Variants in SEMA3E observed in about 807,000 individuals in gnomAD.
SEMA3E encodes the protein semaphorin 3E, also known as semaphorin-3E.
SEMA3E carries 49 observed loss-of-function variants against 93.6 expected under a neutral mutation model. The ratio of observed to expected loss-of-function variants is 0.52; its 90% CI spans 0.42 to 0.66. The LOEUF (loss-of-function observed/expected upper bound fraction) is 0.66, where lower values mean the gene tolerates loss of function less well. Among genes scored for constraint, SEMA3E ranks in the 30% least tolerant of loss-of-function variants. SEMA3E has a pLI of 0.00. For missense variants in SEMA3E, 906 were observed against 964.8 expected, an observed-to-expected ratio of 0.94 and a Z score of 0.81; for synonymous variants, 363 against 330.7, an observed-to-expected ratio of 1.10 and a Z score of -1.06.
intron 1 of SEMA3E, among the ~76,000 whole-genome samples, chr7:83,542,259 C>G (rs1791551255): frequency 1.3e-5 from 2 of 151,488 alleles, no homozygotes; most frequent in African/African-American, 4.9e-5. Context: ...ACTGATGAGA[C>G]TGAGGTGGGA....
chr7:83,580,315 A>G (rs1792493697), intron 1 of SEMA3E, among the ~76,000 whole-genome samples: 1 of 151,986 alleles, frequency 6.6e-6, no homozygotes, highest in Non-Finnish European at 1.5e-5. Context: ...AAACTAAGTA[A>G]TATAGTCAAA....
chr7:83,365,668 A>G lies in SEMA3E; in HGVS notation c.*1918T>C, dbSNP rs1794655665. Reference sequence around the variant, plus strand: ...TTAACTACTTGTCTGTGTTATTGCAATTAAAATGATAACTATTTATGTCTT... The same window carrying G: ...TTAACTACTTGTCTGTGTTATTGCAGTTAAAATGATAACTATTTATGTCTT... On this transcript the variant is annotated 3_prime_UTR_variant, in exon 17 of 17. Coordinates refer to ENST00000643230, the MANE Select transcript of SEMA3E (RefSeq NM_012431.3). The G allele has an allele frequency of 6.6e-6, 1 of 152,170 alleles. No individual in the cohort carries two copies. Among genetic ancestry groups the G allele is most frequent in the Non-Finnish European group, 1.5e-5 (1 of 68,022 alleles). 9.4% of individuals were successfully genotyped at this position (152,170 alleles called of 1,614,324 possible).
At chr7:83,583,284 T>C (rs886945627) in intron 1 of SEMA3E, among the ~76,000 whole-genome samples, 2 of 152,200 alleles carry the variant, frequency 1.3e-5, no homozygotes, top group Admixed American at 6.6e-5. Context: ...TTGATACATA[T>C]ATGCATTGTG....
At chr7:83,431,282 CTG>C (rs1788878201) in intron 4 of SEMA3E, among the ~76,000 whole-genome samples, 1 of 151,560 alleles carries the variant, frequency 6.6e-6, no homozygotes, top group South Asian at 2.1e-4. Flanking sequence ...GAATGTCTCT[CTG>C]TATCTGAAAT....
chr7:83,594,878 T>C (rs1438333695), intron 1 of SEMA3E, among the ~76,000 whole-genome samples: 1 of 151,960 alleles, frequency 6.6e-6, no homozygotes, highest in Non-Finnish European at 1.5e-5. Context: ...ATCTGCAATT[T>C]GTTTAGTAAT....
At chr7:83,614,159 A>T (rs1037924200) in intron 1 of SEMA3E, among the ~76,000 whole-genome samples, 3 of 152,116 alleles carry the variant, frequency 2.0e-5, no homozygotes, top group African/African-American at 4.8e-5. Context: ...TGCACTGCAT[A>T]CTTTTTAATA....
At chr7:83,555,548 A>G (rs1791869474) in intron 1 of SEMA3E, among the ~76,000 whole-genome samples, 1 of 152,096 alleles carries the variant, frequency 6.6e-6, no homozygotes. Flanking sequence ...AGGCAAACGT[A>G]TTTTCCATGT....
At chr7:83,489,350 T>C (rs1045075803) in intron 2 of SEMA3E, among the ~76,000 whole-genome samples, 1 of 151,882 alleles carries the variant, frequency 6.6e-6, no homozygotes, top group Non-Finnish European at 1.5e-5. Flanking sequence ...AATTATTACC[T>C]CTAGGGATAG....
At chr7:83,479,143 A>G (rs1790087508) in intron 2 of SEMA3E, among the ~76,000 whole-genome samples, 7 of 152,260 alleles carry the variant, frequency 4.6e-5, no homozygotes, top group African/African-American at 1.7e-4. Flanking sequence ...ACATGTCGCC[A>G]ACCCATCTAT....
intron 1 of SEMA3E, among the ~76,000 whole-genome samples, chr7:83,520,955 G>C (rs1487389406): frequency 1.3e-5 from 2 of 152,164 alleles, no homozygotes; most frequent in South Asian, 4.1e-4. Context: ...TGGGGCATTA[G>C]GTTGTGGGGT....
intron 1 of SEMA3E, among the ~76,000 whole-genome samples, chr7:83,531,139 T>C (rs574295655): frequency 6.6e-6 from 1 of 152,036 alleles, no homozygotes; most frequent in African/African-American, 2.4e-5. Context: ...TAAAATAAAA[T>C]CATCTTGCCC....
chr7:83,375,344 T>C (rs972662019), intron 16 of SEMA3E, among the ~76,000 whole-genome samples: 1 of 152,126 alleles, frequency 6.6e-6, no homozygotes. Flanking sequence ...AAAATCTCTC[T>C]GCATGTCCTT....
chr7:83,590,608 A>C (rs1163119343), intron 1 of SEMA3E, among the ~76,000 whole-genome samples: 2 of 152,292 alleles, frequency 1.3e-5, no homozygotes, highest in African/African-American at 2.4e-5. Context: ...AATTCTGCCC[A>C]ATTAAAATGA....
intron 4 of SEMA3E, among the ~76,000 whole-genome samples, chr7:83,463,515 C>T (rs1427393854): frequency 1.3e-5 from 2 of 152,310 alleles, no homozygotes; most frequent in Admixed American, 1.3e-4. Context: ...AGACTTCAAT[C>T]CGGCCTCCCA....
At chr7:83,430,490 A>G (rs1389831571) in intron 4 of SEMA3E, among the ~76,000 whole-genome samples, 3 of 152,128 alleles carry the variant, frequency 2.0e-5, no homozygotes, top group Admixed American at 1.3e-4. Context: ...ACGGAATACT[A>G]TGCAGCCATA....
At chr7:83,506,209 C>T (rs1790702832) in intron 1 of SEMA3E, among the ~76,000 whole-genome samples, 1 of 151,826 alleles carries the variant, frequency 6.6e-6, no homozygotes, top group African/African-American at 2.4e-5. Flanking sequence ...ATTTTGGAAG[C>T]AACCTAAGCT....
chr7:83,579,634 G>A (rs1248884338), intron 1 of SEMA3E, among the ~76,000 whole-genome samples: 1 of 152,064 alleles, frequency 6.6e-6, no homozygotes, highest in Admixed American at 6.6e-5. Flanking sequence ...ATGCAAAATG[G>A]CTTGTACCAG....
intron 16 of SEMA3E, among the ~76,000 whole-genome samples, chr7:83,383,547 C>T (rs1450375688): frequency 6.6e-6 from 1 of 151,856 alleles, no homozygotes; most frequent in Non-Finnish European, 1.5e-5. Context: ...TTATTATTAG[C>T]TGATTATGAC....
At chr7:83,634,555 C>A (rs1793845687) in intron 1 of SEMA3E, among the ~76,000 whole-genome samples, 1 of 151,950 alleles carries the variant, frequency 6.6e-6, no homozygotes, top group Non-Finnish European at 1.5e-5. Flanking sequence ...TGACAAAATG[C>A]TATTTCATTC....
Sources: gnomAD v4.1 joint callset for allele counts (sites outside exome capture counted in the v4.1 genomes callset) on GRCh38, gnomAD v4.1.1 for gene constraint, MANE v1.5 for transcripts, NCBI Gene and HGNC (gene_info 2026-07-23, HGNC 2026-07-21) for gene names.